WDR27: variants seen among roughly 807,000 people sequenced by gnomAD.
WDR27 encodes WD repeat domain 27, also known as WD repeat-containing protein 27.
WDR27 carries 100 observed loss-of-function variants against 114.4 expected under a neutral mutation model. The ratio of observed to expected loss-of-function variants is 0.87; its 90% CI spans 0.74 to 1.03. The LOEUF is 1.03. Among genes scored for constraint, WDR27 ranks in the 50% least tolerant of loss-of-function variants. The pLI is 0.00. For synonymous variants in WDR27, 449 were observed against 423.1 expected (o/e 1.06, Z -0.75); for missense variants, 1,129 against 1,092.9 (o/e 1.03, Z -0.47).
intron 25 of WDR27, among the ~76,000 whole-genome samples, chr6:169,538,850 A>G (rs1293324577): frequency 1.3e-5 from 2 of 152,176 alleles, no homozygotes; most frequent in African/African-American, 4.8e-5. Flanking sequence ...TGTAATCATG[A>G]CATTACTCCT....
intron 25 of WDR27, among the ~76,000 whole-genome samples, chr6:169,491,727 C>G (rs549079338): frequency 6.6e-6 from 1 of 152,124 alleles, no homozygotes; most frequent in African/African-American, 2.4e-5. Context: ...ATGATGTGTG[C>G]TGGGACCTGG....
intron 25 of WDR27, among the ~76,000 whole-genome samples, chr6:169,473,405 CA>C (rs1183989934): frequency 1.3e-5 from 2 of 152,224 alleles, no homozygotes; most frequent in African/African-American, 4.8e-5. Context: ...CAACAGAAAA[CA>C]GGGAATGAGT....
chr6:169,530,196 C>T (rs1290773422), intron 25 of WDR27, among the ~76,000 whole-genome samples: 1 of 152,198 alleles, frequency 6.6e-6, no homozygotes, highest in Non-Finnish European at 1.5e-5. Flanking sequence ...AAATATAATA[C>T]GAACCATCTT....
At chr6:169,636,213 A>C (rs7775504) in intron 19 of WDR27, among the ~76,000 whole-genome samples, 158 bp downstream of exon 19, 44,156 of 152,160 alleles carry the variant, frequency 0.29, 7,930 homozygotes, top group African/African-American at 0.51. Flanking sequence ...GTTTAAAATG[A>C]GTAGGATCTG....
chr6:169,685,611 T>A (rs937811815), intron 2 of WDR27, among the ~76,000 whole-genome samples: 2 of 152,142 alleles, frequency 1.3e-5, no homozygotes, highest in Non-Finnish European at 2.9e-5. Context: ...CTAGGCTTCA[T>A]CACGCTGAAG....
chr6:169,489,466 G>A (rs553719510), intron 25 of WDR27, among the ~76,000 whole-genome samples: 4 of 152,290 alleles, frequency 2.6e-5, no homozygotes, highest in East Asian at 1.9e-4. Flanking sequence ...TACAGATTTC[G>A]GAGAACGAAG....
At chr6:169,700,494 T>C (rs931568744) in intron 1 of WDR27, among the ~76,000 whole-genome samples, 1 of 152,214 alleles carries the variant, frequency 6.6e-6, no homozygotes, top group Non-Finnish European at 1.5e-5. Context: ...CATGTAGTCG[T>C]TGAGTGCCTG....
chr6:169,693,332 A>C (rs545819226), intron 1 of WDR27, among the ~76,000 whole-genome samples: 1 of 152,384 alleles, frequency 6.6e-6, no homozygotes, highest in South Asian at 2.1e-4. Context: ...GAAATGGTAA[A>C]AGGAGTTCTA....
At chr6:169,602,173 CA>C (rs1808124061) in intron 23 of WDR27, 45 bp downstream of exon 23, 1 of 1,403,698 alleles carries the variant, frequency 7.1e-7, no homozygotes, top group African/African-American at 1.4e-5. Flanking sequence ...TACACATTAC[CA>C]AAGTCTAGAC....
At chr6:169,688,344 G>A (rs1783595033) in intron 2 of WDR27, among the ~76,000 whole-genome samples, 1 of 152,156 alleles carries the variant, frequency 6.6e-6, no homozygotes, top group Non-Finnish European at 1.5e-5. Flanking sequence ...TAGAAGTCAA[G>A]ATAGTGTTGC....
intron 4 of WDR27, 139 bp downstream of exon 4, chr6:169,670,430 A>G: frequency 1.1e-6 from 1 of 888,226 alleles, no homozygotes; most frequent in South Asian, 2.4e-5. Flanking sequence ...TGATTTTATA[A>G]AAGTAAACTA....
At chr6:169,601,901 C>G (rs1159327467) in intron 23 of WDR27, among the ~76,000 whole-genome samples, 1 of 152,192 alleles carries the variant, frequency 6.6e-6, no homozygotes, top group Non-Finnish European at 1.5e-5. Flanking sequence ...TGGTGTTTCA[C>G]TAATTAATAT....
At position 169,465,263 on chromosome 6, in the gene WDR27, A is replaced by G. The variant is rs7454884; in HGVS notation, c.2646-7629T>C. ...ACAAGAGCAAAACTCCATCTCAAAA[A>G]AAAAAAAAAAAAAAAAAAGAAATAA... On this transcript the variant is annotated intron_variant, in intron 25 of 25. Coordinates refer to ENST00000448612, the MANE Select transcript of WDR27 (RefSeq NM_182552.5). 1.2e-3 allele frequency among the ~76,000 whole-genome samples: 85 copies of G among 70,816 alleles called. 2 individuals carry two copies. The highest frequency in any genetic ancestry group is 8.1e-3 in the Middle Eastern group (1 of 124). 46.5% of individuals were successfully genotyped at this position (70,816 alleles called of 152,430 possible). A position where few individuals can be genotyped will look rare whatever the true frequency, so the allele number is the denominator to read the frequency against.
At chr6:169,445,506 G>A in the WDR27 span, among the ~76,000 whole-genome samples, 1 of 152,234 alleles carries the variant, frequency 6.6e-6, no homozygotes, top group Admixed American at 6.5e-5. Flanking sequence ...ACATTATGGT[G>A]GTGTTGGGAG....
intron 23 of WDR27, among the ~76,000 whole-genome samples, chr6:169,599,661 A>G (rs1255693062): frequency 6.6e-6 from 1 of 151,560 alleles, no homozygotes; most frequent in Non-Finnish European, 1.5e-5. Flanking sequence ...TTTCTTCTTT[A>G]TTAGTCCTGC....
chr6:169,601,872 A>G (rs1289312980), intron 23 of WDR27, among the ~76,000 whole-genome samples: 1 of 152,256 alleles, frequency 6.6e-6, no homozygotes, highest in Non-Finnish European at 1.5e-5. Context: ...ACCATTAAAC[A>G]CATTAAATAC....
chr6:169,448,377 T>C, the WDR27 span, among the ~76,000 whole-genome samples: 1 of 142,676 alleles, frequency 7.0e-6, no homozygotes, highest in South Asian at 2.4e-4. Context: ...TCTCTCTCCC[T>C]CTGTCTCTGT....
intron 21 of WDR27, among the ~76,000 whole-genome samples, chr6:169,614,132 C>T (rs1161517214): frequency 6.6e-6 from 1 of 152,188 alleles, no homozygotes; most frequent in African/African-American, 2.4e-5. Flanking sequence ...CCGGCCCTGA[C>T]TCTGACTTGC....
At chr6:169,599,613 T>G (rs1807535523) in intron 23 of WDR27, among the ~76,000 whole-genome samples, 1 of 152,222 alleles carries the variant, frequency 6.6e-6, no homozygotes, top group African/African-American at 2.4e-5. Flanking sequence ...GATATCCCCT[T>G]TATTGTTTTT....
Sources: gnomAD v4.1 joint callset for allele counts (sites outside exome capture counted in the v4.1 genomes callset) on GRCh38, gnomAD v4.1.1 for gene constraint, MANE v1.5 for transcripts, NCBI Gene and HGNC (gene_info 2026-07-23, HGNC 2026-07-21) for gene names.